The following ABI3BP variants were observed in gnomAD, a reference collection of about 807,000 sequenced individuals.
ABI3BP encodes the protein ABI family member 3 binding protein, also known as target of Nesh-SH3.
A neutral mutation model predicts 268.6 loss-of-function variants in ABI3BP; 216 were observed. The ratio of observed to expected loss-of-function variants is 0.80; its 90% CI spans 0.72 to 0.90. The LOEUF (loss-of-function observed/expected upper bound fraction) is 0.90, where lower values mean the gene tolerates loss of function less well. Ranked by LOEUF, ABI3BP falls within the 40% of genes least tolerant of loss-of-function variation. The pLI is 0.00. For missense variants in ABI3BP, 2,090 were observed against 2,182.4 expected (o/e 0.96, Z 0.84); for synonymous variants, 730 against 730.0 (o/e 1.00, Z 0.00).
chr3:100,936,917 T>C (rs1055707317), intron 1 of ABI3BP, among the ~76,000 whole-genome samples: 10 of 152,136 alleles, frequency 6.6e-5, no homozygotes, highest in African/African-American at 2.2e-4. Flanking sequence ...GTTGATCTTT[T>C]CAAAGAACCA....
intron 1 of ABI3BP, among the ~76,000 whole-genome samples, chr3:100,989,545 C>A (rs1384979886): frequency 6.6e-6 from 1 of 152,240 alleles, no homozygotes; most frequent in Non-Finnish European, 1.5e-5. Context: ...CCTCTTCCCT[C>A]TGCCATATCC....
rs531711787 is a variant in ABI3BP, at chr3:100,879,649, G to T, written c.697-3089C>A. 2.6e-5 allele frequency among the ~76,000 whole-genome samples: 4 copies of T among 152,348 alleles called. No individual in the cohort carries two copies. In the Middle Eastern group the frequency reaches 0.01, roughly 389 times the overall value. On this transcript the variant is annotated intron_variant, in intron 6 of 67. Transcript: ENST00000471714. ...TGAGTTCTGACTCCAGTACAGACCA[G>T]TGTCCAGTTACAGACCAGTGTCCAG...
At chr3:100,832,199 T>C (rs1285370448) in intron 31 of ABI3BP, 65 bp downstream of exon 31, 18 of 1,436,260 alleles carry the variant, frequency 1.3e-5, no homozygotes, top group Non-Finnish European at 1.5e-5. Context: ...TATATGTACA[T>C]AGAACTTACA....
At chr3:100,756,473 C>T (rs9817424) in intron 63 of ABI3BP, among the ~76,000 whole-genome samples, 6,168 of 152,244 alleles carry the variant, frequency 0.041, 372 homozygotes, top group African/African-American at 0.13. Context: ...ATCACACACA[C>T]ATGGGGTATT....
intron 4 of ABI3BP, among the ~76,000 whole-genome samples, chr3:100,891,680 G>A (rs1168966017): frequency 6.6e-6 from 1 of 152,218 alleles, no homozygotes; most frequent in African/African-American, 2.4e-5. Flanking sequence ...CTGGATGGGA[G>A]ATGTTGCAAA....
intron 37 of ABI3BP, among the ~76,000 whole-genome samples, 162 bp downstream of exon 37, chr3:100,823,296 A>G (rs1257647239): frequency 3.2e-4 from 48 of 152,196 alleles, no homozygotes; most frequent in Admixed American, 3.1e-3. Context: ...AAGTAGATTC[A>G]TGCATGACTG....
At chr3:100,783,609 CCA>C (rs1485644557) in intron 57 of ABI3BP, among the ~76,000 whole-genome samples, 4 of 152,138 alleles carry the variant, frequency 2.6e-5, no homozygotes, top group African/African-American at 9.7e-5. Flanking sequence ...ACTGTTTTGC[CCA>C]CAGAGTTGAA....
intron 63 of ABI3BP, among the ~76,000 whole-genome samples, chr3:100,758,692 C>T (rs1482415732): frequency 6.6e-6 from 1 of 152,142 alleles, no homozygotes; most frequent in Non-Finnish European, 1.5e-5. Context: ...AGCATTATCT[C>T]AGAAGAGTGG....
At chr3:100,987,428 T>C (rs771976430) in intron 1 of ABI3BP, among the ~76,000 whole-genome samples, 3 of 152,232 alleles carry the variant, frequency 2.0e-5, no homozygotes, top group Non-Finnish European at 2.9e-5. Flanking sequence ...CAGTATCTTA[T>C]AGCCCAATAT....
Position 100,910,039 on chromosome 3 carries a change from A to C in ABI3BP, c.260-7353T>G, listed in dbSNP as rs2055562967. On this transcript the variant is annotated intron_variant, in intron 2 of 67. Coordinates refer to ENST00000471714, the MANE Select transcript of ABI3BP (RefSeq NM_001375547.2). ...CAACCCAAATGCCCATCAATGATAGAGTGGATAAAGAAAATGTGGCACATA... is the reference window on the plus strand; with the variant it reads ...CAACCCAAATGCCCATCAATGATAGCGTGGATAAAGAAAATGTGGCACATA... Among the ~76,000 whole-genome samples the C allele has an allele frequency of 2.0e-5, 3 of 152,218 alleles. No homozygotes were observed. The South Asian group carries it at 6.2e-4, about 32-fold the overall frequency.
At chr3:100,974,213 A>G (rs183389308) in intron 1 of ABI3BP, among the ~76,000 whole-genome samples, 1 of 152,346 alleles carries the variant, frequency 6.6e-6, no homozygotes. Flanking sequence ...TTTCTTATAA[A>G]CAAACACTTA....
chr3:100,927,609 A>G (rs1003637066), intron 1 of ABI3BP, among the ~76,000 whole-genome samples: 1 of 152,162 alleles, frequency 6.6e-6, no homozygotes, highest in Admixed American at 6.6e-5. Context: ...CAAGTCTTAC[A>G]TGGCCAGAGT....
At chr3:100,795,475 C>G (rs1255538688) in intron 53 of ABI3BP, among the ~76,000 whole-genome samples, 6 of 152,034 alleles carry the variant, frequency 3.9e-5, no homozygotes, top group African/African-American at 1.4e-4. Context: ...TTACCACATA[C>G]TAGTATGTTA....
intron 58 of ABI3BP, 86 bp from the exon 59 acceptor site, chr3:100,778,462 AAAT>A (rs1490354939): frequency 5.7e-6 from 7 of 1,237,936 alleles, no homozygotes; most frequent in Non-Finnish European, 5.6e-6. Flanking sequence ...TAAAAATAAA[AAAT>A]AATGTTTGAT....
At chr3:100,765,788 G>A (rs2096245648) in intron 63 of ABI3BP, 53 bp downstream of exon 63, 1 of 1,280,762 alleles carries the variant, frequency 7.8e-7, no homozygotes, top group Non-Finnish European at 1.1e-6. Flanking sequence ...CCCTTGTTGT[G>A]GTTATAACTT....
At chr3:100,927,053 T>C (rs1328136822) in intron 1 of ABI3BP, among the ~76,000 whole-genome samples, 2 of 152,066 alleles carry the variant, frequency 1.3e-5, no homozygotes, top group Non-Finnish European at 2.9e-5. Flanking sequence ...TGGAAATACA[T>C]GGAGATGCCC....
Position 100,774,586 on chromosome 3 carries a change from C to G in ABI3BP, c.4531+19G>C. On this transcript the variant is annotated intron_variant, in intron 61 of 67. Coordinates refer to ENST00000471714, the MANE Select transcript of ABI3BP (RefSeq NM_001375547.2). Reference sequence around the variant, plus strand: ...AAATGGCCTTTTCAAATGTGAGATTCACAGCCAGTCATACATACCTTTGAA... The same window carrying G: ...AAATGGCCTTTTCAAATGTGAGATTGACAGCCAGTCATACATACCTTTGAA... 6.5e-7 allele frequency: 1 copy of G among 1,549,064 alleles called. No individual in the cohort carries two copies. Among genetic ancestry groups the G allele is most frequent in the Non-Finnish European group, 8.7e-7 (1 of 1,149,102 alleles).
At chr3:100,872,756 T>C (rs1285612760) in intron 9 of ABI3BP, among the ~76,000 whole-genome samples, 1 of 152,158 alleles carries the variant, frequency 6.6e-6, no homozygotes, top group Non-Finnish European at 1.5e-5. Flanking sequence ...CACATTTACA[T>C]GATGTAGGGT....
intron 17 of ABI3BP, among the ~76,000 whole-genome samples, chr3:100,849,415 G>A (rs888775692): frequency 6.6e-6 from 1 of 151,908 alleles, no homozygotes. Context: ...CTAGAGATGG[G>A]ATTTCACCAT....
Sources: allele counts gnomAD v4.1 joint callset (sites outside exome capture counted in the v4.1 genomes callset), GRCh38; gene constraint gnomAD v4.1.1; transcripts MANE v1.5; gene names NCBI Gene and HGNC (gene_info 2026-07-23, HGNC 2026-07-21).